The following NRG3 variants were observed in gnomAD, a reference collection of about 807,000 sequenced individuals.
NRG3 encodes the protein pro-neuregulin-3, membrane-bound isoform.
A neutral mutation model predicts 66.9 loss-of-function variants in NRG3; 31 were observed. The ratio of observed to expected loss-of-function variants is 0.46; its 90% CI spans 0.35 to 0.63. NRG3 has a LOEUF of 0.63. NRG3 is among the 20% of genes least tolerant of loss of function. NRG3 has a pLI of 0.00. For synonymous variants in NRG3, 393 were observed against 359.4 expected, an observed-to-expected ratio of 1.09 and a Z score of -1.06; for missense variants, 910 against 878.9, an observed-to-expected ratio of 1.04 and a Z score of -0.45.
intron 2 of NRG3, among the ~76,000 whole-genome samples, chr10:82,528,075 T>C (rs1273392292): frequency 1.3e-5 from 2 of 152,146 alleles, no homozygotes; most frequent in Non-Finnish European, 1.5e-5. Flanking sequence ...ACAACAATAA[T>C]ATCTCAAAAT....
intron 1 of NRG3, among the ~76,000 whole-genome samples, chr10:81,924,972 T>A (rs1846629168): frequency 6.6e-6 from 1 of 152,182 alleles, no homozygotes; most frequent in Non-Finnish European, 1.5e-5. Context: ...TAATTAAATA[T>A]GCTTTTAGAT....
rs73309862 is a variant in NRG3 at position 82,533,847 on chromosome 10, G to C, written c.953+174979G>C. On this transcript the variant is annotated intron_variant, in intron 2 of 8. Coordinates refer to ENST00000372141, the MANE Select transcript of NRG3 (RefSeq NM_001010848.4). ...ATCTTATATATGGAAAACCCTGAAG[G>C]CTCCATTTAAAACAATAAGAAGAAC... Among the ~76,000 whole-genome samples the C allele has an allele frequency of 4.4e-3, 669 of 152,088 alleles. 5 individuals carry two copies. Among genetic ancestry groups the C allele is most frequent in the African/African-American group, 0.016 (645 of 41,526 alleles).
chr10:82,227,623 G>A (rs1318426740), intron 1 of NRG3, among the ~76,000 whole-genome samples: 4 of 152,114 alleles, frequency 2.6e-5, no homozygotes, highest in Admixed American at 2.6e-4. Context: ...AATAAATGGT[G>A]TTGACAAACT....
chr10:82,293,661 T>C (rs529694065), intron 1 of NRG3, among the ~76,000 whole-genome samples: 1 of 152,302 alleles, frequency 6.6e-6, no homozygotes, highest in African/African-American at 2.4e-5. Context: ...TGACCAACTA[T>C]TTTTCCTTGG....
chr10:82,740,840 AAAAAAAAAAT>A (rs1279697399), intron 3 of NRG3, among the ~76,000 whole-genome samples: 1 of 110,658 alleles, frequency 9.0e-6, no homozygotes. Context: ...AAAAAAAAAA[AAAAAAAAAAT>A]TATACCTCTC....
chr10:82,142,181 T>G (rs894543047), intron 1 of NRG3, among the ~76,000 whole-genome samples: 2 of 152,170 alleles, frequency 1.3e-5, no homozygotes, highest in African/African-American at 4.8e-5. Context: ...GATTAACCTA[T>G]TTATACCAAA....
chr10:82,305,477 T>A (rs2134861143), intron 1 of NRG3, among the ~76,000 whole-genome samples: 1 of 152,306 alleles, frequency 6.6e-6, no homozygotes, highest in South Asian at 2.1e-4. Flanking sequence ...AAGATATACA[T>A]GTTAACTTAT....
chr10:82,668,137 C>T (rs1187872437), intron 2 of NRG3, among the ~76,000 whole-genome samples: 1 of 152,050 alleles, frequency 6.6e-6, no homozygotes, highest in African/African-American at 2.4e-5. Flanking sequence ...GCACCCTCTC[C>T]TTTTTAACTT....
intron 1 of NRG3, among the ~76,000 whole-genome samples, chr10:81,907,585 T>G (rs898387637): frequency 1.3e-5 from 2 of 152,308 alleles, no homozygotes; most frequent in Admixed American, 6.5e-5. Context: ...AAAAGATCTC[T>G]ACTGAAACTA....
chr10:82,311,691 A>G lies in NRG3; in HGVS notation c.824-47048A>G, dbSNP rs141103449. Among the ~76,000 whole-genome samples the G allele has an allele frequency of 3.7e-3, 558 of 152,106 alleles. 2 individuals are homozygous for G. The highest frequency in any genetic ancestry group is 0.013 in the African/African-American group (529 of 41,492). ...TTTCCAGGAGCCAGATAGTAGGTAC[A>G]CTCCCTGCATTAACTCATTTAATAC... is the stretch of plus-strand genomic sequence containing the variant. On this transcript the variant is annotated intron_variant, in intron 1 of 8. Coordinates refer to ENST00000372141, the MANE Select transcript of NRG3 (RefSeq NM_001010848.4).
At chr10:82,545,783 C>CT (rs1002975772) in intron 2 of NRG3, among the ~76,000 whole-genome samples, 4,418 of 91,440 alleles carry the variant, frequency 0.048, 348 homozygotes, top group South Asian at 0.066. Context: ...AATATCAACT[C>CT]TTTTTTTTTT....
chr10:82,901,562 T>A (rs900691014), intron 4 of NRG3, among the ~76,000 whole-genome samples: 2 of 152,182 alleles, frequency 1.3e-5, no homozygotes, highest in Non-Finnish European at 2.9e-5. Flanking sequence ...TCCACTCCCA[T>A]CCAGCTCTAG....
chr10:82,482,604 C>G (rs1301983101), intron 2 of NRG3, among the ~76,000 whole-genome samples: 3 of 152,116 alleles, frequency 2.0e-5, no homozygotes, highest in Non-Finnish European at 4.4e-5. Context: ...GACCACGGAG[C>G]TTGGTAGAAA....
intron 3 of NRG3, among the ~76,000 whole-genome samples, chr10:82,746,709 T>C (rs17095516): frequency 0.019 from 2,920 of 152,302 alleles, 103 homozygotes; most frequent in East Asian, 0.12. Context: ...CTATTATTCA[T>C]TATATTGACA....
chr10:82,160,988 TGTTAGCGAG>T (rs1244217189), intron 1 of NRG3, among the ~76,000 whole-genome samples: 2 of 152,164 alleles, frequency 1.3e-5, no homozygotes, highest in Non-Finnish European at 2.9e-5. Flanking sequence ...TATAATACAC[TGTTAGCGAG>T]GTTAGACGTT....
intron 3 of NRG3, among the ~76,000 whole-genome samples, chr10:82,752,577 C>A (rs1254366434): frequency 6.6e-6 from 1 of 152,078 alleles, no homozygotes; most frequent in Non-Finnish European, 1.5e-5. Context: ...GTATACAATT[C>A]CATTCATTGC....
At chr10:81,996,953 G>C (rs990020412) in intron 1 of NRG3, among the ~76,000 whole-genome samples, 1 of 151,994 alleles carries the variant, frequency 6.6e-6, no homozygotes, top group Non-Finnish European at 1.5e-5. Context: ...AAAATAATTT[G>C]TTATTATTCT....
intron 1 of NRG3, among the ~76,000 whole-genome samples, chr10:82,197,812 T>C (rs1183449668): frequency 1.3e-5 from 2 of 152,302 alleles, no homozygotes; most frequent in African/African-American, 4.8e-5. Context: ...CTATTCATGA[T>C]TTCCATTTAA....
At chr10:82,594,695 G>T (rs190904980) in intron 2 of NRG3, among the ~76,000 whole-genome samples, 1 of 152,070 alleles carries the variant, frequency 6.6e-6, no homozygotes, top group East Asian at 1.9e-4. Context: ...AAGATGTCTA[G>T]ATTCTAGCTG....
Sources: allele counts gnomAD v4.1 joint callset (sites outside exome capture counted in the v4.1 genomes callset), GRCh38; gene constraint gnomAD v4.1.1; transcripts MANE v1.5; gene names NCBI Gene and HGNC (gene_info 2026-07-23, HGNC 2026-07-21).